The following SH3BGRL2 variants were observed in gnomAD, a reference collection of about 807,000 sequenced individuals.
The protein encoded by SH3BGRL2 is SH3 domain binding glutamate rich protein like 2.
A neutral mutation model predicts 14.8 loss-of-function variants in SH3BGRL2; 21 were observed. The ratio of observed to expected loss-of-function variants is 1.42; its 90% CI spans 1.01 to 2.05. The LOEUF is 2.05. Among genes scored for constraint, SH3BGRL2 ranks in the 30% most tolerant of loss-of-function variants. SH3BGRL2 has a pLI of 0.00. For missense variants in SH3BGRL2, 147 were observed against 130.8 expected (o/e 1.12, Z -0.61); for synonymous variants, 50 against 47.8 (o/e 1.05, Z -0.19).
the SH3BGRL2 span, among the ~76,000 whole-genome samples, chr6:79,539,976 A>AT: frequency 6.6e-6 from 1 of 152,144 alleles, no homozygotes. Flanking sequence ...AAATTCAAAA[A>AT]TTTTTTCTCT....
At chr6:79,646,543 A>T (rs113322461) in intron 1 of SH3BGRL2, among the ~76,000 whole-genome samples, 17 of 152,342 alleles carry the variant, frequency 1.1e-4, no homozygotes, top group African/African-American at 4.1e-4. Flanking sequence ...TTGTTTCATA[A>T]TTGAGATATA....
At chr6:79,568,924 A>G in the SH3BGRL2 span, among the ~76,000 whole-genome samples, 7 of 152,166 alleles carry the variant, frequency 4.6e-5, no homozygotes, top group Admixed American at 4.6e-4. Context: ...ATATGTGTCA[A>G]TGGAAAGAGT....
chr6:79,600,858 T>C, the SH3BGRL2 span, among the ~76,000 whole-genome samples: 1 of 152,268 alleles, frequency 6.6e-6, no homozygotes, highest in Admixed American at 6.5e-5. Context: ...TTTACCCAGT[T>C]GCCCTTTCTA....
At chr6:79,563,132 T>A in the SH3BGRL2 span, among the ~76,000 whole-genome samples, 28 of 104,594 alleles carry the variant, frequency 2.7e-4, no homozygotes, top group East Asian at 8.1e-3. Flanking sequence ...ATTTTTTGAA[T>A]TTTTTTTTTG....
chr6:79,640,063 G>T (rs563032218), intron 1 of SH3BGRL2, among the ~76,000 whole-genome samples: 12 of 152,230 alleles, frequency 7.9e-5, no homozygotes, highest in Admixed American at 4.6e-4. Flanking sequence ...GAGCCTTTCT[G>T]TTTAGCATTT....
the SH3BGRL2 span, among the ~76,000 whole-genome samples, chr6:79,554,556 T>C: frequency 6.6e-6 from 1 of 152,216 alleles, no homozygotes; most frequent in Admixed American, 6.5e-5. Flanking sequence ...TGTACTTTCC[T>C]CTAAATCCTA....
chr6:79,643,678 G>GC (rs376691638), intron 1 of SH3BGRL2, among the ~76,000 whole-genome samples: 12 of 152,238 alleles, frequency 7.9e-5, no homozygotes, highest in African/African-American at 2.6e-4. Context: ...TAATTACCCT[G>GC]CCCCCTCACA....
At chr6:79,697,028 CTTT>C (rs1410804996) in intron 3 of SH3BGRL2, among the ~76,000 whole-genome samples, 1 of 151,974 alleles carries the variant, frequency 6.6e-6, no homozygotes, top group Non-Finnish European at 1.5e-5. Context: ...TTTGAAGCCA[CTTT>C]TTATTAAGTC....
chr6:79,622,133 T>C, the SH3BGRL2 span, among the ~76,000 whole-genome samples: 1 of 152,192 alleles, frequency 6.6e-6, no homozygotes. Flanking sequence ...ACTATTGCTG[T>C]TGGAAATTTC....
intron 1 of SH3BGRL2, among the ~76,000 whole-genome samples, chr6:79,647,778 G>A (rs1162493926): frequency 6.6e-6 from 1 of 152,140 alleles, no homozygotes; most frequent in Non-Finnish European, 1.5e-5. Flanking sequence ...AAAGACGCCA[G>A]TGGAAAGTTA....
At chr6:79,562,596 A>G in the SH3BGRL2 span, among the ~76,000 whole-genome samples, 4 of 152,312 alleles carry the variant, frequency 2.6e-5, no homozygotes, top group East Asian at 7.7e-4. Context: ...CTTTTCCAAT[A>G]GAAACACACA....
rs1768819180 is a variant in SH3BGRL2 at position 79,631,369 on chromosome 6, A to C, written c.-93A>C. ...TCCCCGACGGCAGCGCTTTACCCAG[A>C]GGCTGCCGGCGGCTCGTAGCTGGGT... is the stretch of plus-strand genomic sequence containing the variant. On this transcript the variant is annotated 5_prime_UTR_variant, in exon 1 of 4. Transcript: ENST00000369838. 5 of 1,187,258 alleles carry C rather than the reference A, an allele frequency of 4.2e-6. No homozygotes were observed. Among genetic ancestry groups the C allele is most frequent in the Non-Finnish European group, 5.6e-6 (5 of 890,214 alleles). The allele number at this position is 1,187,258 out of a possible 1,614,324, so 73.5% of individuals were successfully genotyped here. A position where few individuals can be genotyped will look rare whatever the true frequency, so the allele number is the denominator to read the frequency against.
chr6:79,581,380 A>G, the SH3BGRL2 span, among the ~76,000 whole-genome samples: 3 of 152,334 alleles, frequency 2.0e-5, no homozygotes, highest in South Asian at 2.1e-4. Context: ...CATCAATGCA[A>G]AAATCCTCAA....
At chr6:79,551,193 A>G in the SH3BGRL2 span, among the ~76,000 whole-genome samples, 3 of 152,224 alleles carry the variant, frequency 2.0e-5, no homozygotes, top group African/African-American at 7.2e-5. Context: ...TAATACCCCA[A>G]TGGGCTTTTT....
intron 2 of SH3BGRL2, among the ~76,000 whole-genome samples, chr6:79,681,450 C>T (rs963653215): frequency 1.3e-5 from 2 of 152,038 alleles, no homozygotes; most frequent in Non-Finnish European, 2.9e-5. Context: ...GCCTGCATTC[C>T]CCCATATTGC....
At position 79,700,547 on chromosome 6, in the gene SH3BGRL2, TTTGC is replaced by T. The variant is rs1770433691; in HGVS notation, c.*1044_*1047del. 1.3e-5 allele frequency: 2 copies of T among 152,176 alleles called. No homozygotes were observed. The highest frequency in any genetic ancestry group is 1.3e-4 in the Admixed American group (2 of 15,264). 9.4% of individuals were successfully genotyped at this position (152,176 alleles called of 1,614,324 possible). On this transcript the variant is annotated 3_prime_UTR_variant, in exon 4 of 4. Coordinates refer to ENST00000369838, the MANE Select transcript of SH3BGRL2 (RefSeq NM_031469.4). The stretch of plus-strand genomic sequence containing the variant: ...TTGTTACTTTTCATTTGCCTCTAAT[TTTGC>T]TTGCTCATATTTCTGGCCAATGTAC...
At chr6:79,562,365 G>A in the SH3BGRL2 span, among the ~76,000 whole-genome samples, 1 of 152,088 alleles carries the variant, frequency 6.6e-6, no homozygotes, top group Non-Finnish European at 1.5e-5. Flanking sequence ...ATATGTAAGT[G>A]TGCTCTTTAG....
the SH3BGRL2 span, among the ~76,000 whole-genome samples, chr6:79,616,134 T>A: frequency 6.6e-6 from 1 of 152,152 alleles, no homozygotes; most frequent in South Asian, 2.1e-4. Context: ...TCCTGCTTTC[T>A]TAAGAATCTT....
At chr6:79,569,227 A>G in the SH3BGRL2 span, among the ~76,000 whole-genome samples, 2 of 152,344 alleles carry the variant, frequency 1.3e-5, no homozygotes, top group East Asian at 1.9e-4. Flanking sequence ...TGGTTGAAAG[A>G]GTTATTACCT....
Sources: gnomAD v4.1 joint callset for allele counts (sites outside exome capture counted in the v4.1 genomes callset) on GRCh38, gnomAD v4.1.1 for gene constraint, MANE v1.5 for transcripts, NCBI Gene and HGNC (gene_info 2026-07-23, HGNC 2026-07-21) for gene names.